Variants in MAP1LC3A observed in about 807,000 individuals in gnomAD.
MAP1LC3A encodes the protein microtubule-associated protein 1 light chain 3 alpha.
In MAP1LC3A, 10 loss-of-function variants were observed where a neutral mutation model predicts 15.2. That is an observed-to-expected ratio of 0.66 (90% CI 0.41 to 1.12). MAP1LC3A has a LOEUF of 1.12. MAP1LC3A is among the 50% of genes most tolerant of loss of function. MAP1LC3A has a pLI of 0.00. For synonymous variants in MAP1LC3A, 63 were observed against 64.3 expected (o/e 0.98, Z 0.10); for missense variants, 138 against 167.3 (o/e 0.82, Z 0.97).
upstream of MAP1LC3A, among the ~76,000 whole-genome samples, chr20:34,557,722 C>A (rs1220930384): frequency 6.6e-6 from 1 of 152,092 alleles, no homozygotes; most frequent in Non-Finnish European, 1.5e-5. Flanking sequence ...GTCAGGAGAT[C>A]GAGACCATCC....
In MAP1LC3A at chr20:34,560,175, CCTGCCTGT is replaced by C. The variant is rs6479; in HGVS notation, c.*283_*290del. On this transcript the variant is annotated 3_prime_UTR_variant, in exon 4 of 4. Transcript: ENST00000360668. ...GTGTGGTTCATCTTTTTTTTAGGCC[CCTGCCTGT>C]CTGCCCATCTGCCCCTCACCCACCC... 94,440 of 314,520 alleles carry C rather than the reference CCTGCCTGT, an allele frequency of 0.3. 17,478 individuals are homozygous for C. The highest frequency in any genetic ancestry group is 0.54 in the Admixed American group (11,040 of 20,504). 19.5% of individuals were successfully genotyped at this position (314,520 alleles called of 1,614,324 possible).
chr20:34,559,669 G>T, intron 3 of MAP1LC3A, 67 bp from the exon 4 acceptor site: 1 of 1,494,674 alleles, frequency 6.7e-7, no homozygotes, highest in South Asian at 1.2e-5. Flanking sequence ...AATCATTCTG[G>T]GGGTCAGGGC....
chr20:34,552,186 C>T (rs1334103528), intron 2 of MAP1LC3A, among the ~76,000 whole-genome samples: 1 of 152,082 alleles, frequency 6.6e-6, no homozygotes, highest in African/African-American at 2.4e-5. Context: ...TTAGTAGAGA[C>T]GGGGTTTCGC....
chr20:34,547,785 G>A (rs374645736), intron 1 of MAP1LC3A, among the ~76,000 whole-genome samples: 9 of 152,208 alleles, frequency 5.9e-5, no homozygotes, highest in African/African-American at 1.4e-4. Context: ...ACTCAGGCTC[G>A]GGCAGTTCTT....
chr20:34,550,200 G>A (rs969242591), intron 2 of MAP1LC3A, among the ~76,000 whole-genome samples: 1 of 152,214 alleles, frequency 6.6e-6, no homozygotes, highest in African/African-American at 2.4e-5. Flanking sequence ...CGAAGCCACA[G>A]AACGGCAGGA....
At chr20:34,557,697 C>A (rs1392123159), upstream of MAP1LC3A, among the ~76,000 whole-genome samples, 1 of 152,076 alleles carries the variant, frequency 6.6e-6, no homozygotes, top group Non-Finnish European at 1.5e-5. Flanking sequence ...GAGGCCGAGG[C>A]GAGTGGATCA....
Position 34,559,690 on chromosome 20 carries a change from C to T in MAP1LC3A, c.204-46C>T, listed in dbSNP as rs929630485. ...TCTGGGGGTCAGGGCTATGTCCGTC[C>T]CGCAGCCAAGCCCCTCACAGCTGCA... On this transcript the variant is annotated intron_variant, in intron 3 of 3. Coordinates refer to ENST00000360668, the MANE Select transcript of MAP1LC3A (RefSeq NM_032514.4). The T allele has an allele frequency of 1.9e-6, 3 of 1,561,624 alleles. No individual in the cohort carries two copies. In the East Asian group the frequency reaches 6.7e-5, roughly 35 times the overall value.
At chr20:34,558,717 C>G, upstream of MAP1LC3A, 2 of 1,289,330 alleles carry the variant, frequency 1.6e-6, no homozygotes, top group East Asian at 3.2e-5. The surrounding 1 kb of genome is among the most constrained non-coding windows in gnomAD (Gnocchi z 4.3). Context: ...CTGACGTCAC[C>G]GGGCGAGTTA....
chr20:34,557,834 C>T (rs1219482581), upstream of MAP1LC3A, among the ~76,000 whole-genome samples: 1 of 152,108 alleles, frequency 6.6e-6, no homozygotes, highest in Non-Finnish European at 1.5e-5. Flanking sequence ...CTGACTGAGG[C>T]AGGAGAATCG....
chr20:34,557,090 C>T (rs1982190186), upstream of MAP1LC3A, among the ~76,000 whole-genome samples: 1 of 152,164 alleles, frequency 6.6e-6, no homozygotes. Flanking sequence ...CACCTTTTCC[C>T]ATCGTTTTAC....
chr20:34,555,106 G>A (rs983537487), upstream of MAP1LC3A, among the ~76,000 whole-genome samples: 5 of 151,248 alleles, frequency 3.3e-5, no homozygotes, highest in Non-Finnish European at 7.4e-5. Flanking sequence ...CTGAGTAGTT[G>A]GGACTATAGG....
At chr20:34,558,183 T>C, upstream of MAP1LC3A, 1 of 977,672 alleles carries the variant, frequency 1.0e-6, no homozygotes, top group African/African-American at 1.7e-5. The surrounding 1 kb of genome is among the most constrained non-coding windows in gnomAD (Gnocchi z 4.3). Flanking sequence ...CTGTTGTCCT[T>C]TTCTGCCTTC....
Position 34,558,838 on chromosome 20 carries a change from C to T in MAP1LC3A, c.-31C>T. ...CAGACACATCCCCGCGCCCCAGAGC[C>T]CCGGCCTGCGCGCCCAGCCGGGCCC... On this transcript the variant is annotated 5_prime_UTR_variant, in exon 1 of 4. Transcript: ENST00000360668. The surrounding 1 kb of genome is among the most constrained non-coding windows in gnomAD (Gnocchi z 4.3). 1 of 1,432,504 alleles carries T rather than the reference C, an allele frequency of 7.0e-7. No individual in the cohort carries two copies. The allele number at this position is 1,432,504 out of a possible 1,614,324, so 88.7% of individuals were successfully genotyped here.
chr20:34,560,101 T>G lies in MAP1LC3A; in HGVS notation c.*203T>G. ...GTGTTAGGGTTGTCCCTCTGGGTGCTGGCTGGTGGGATGGGGGAGGGTGGG... is the reference window on the plus strand; with the variant it reads ...GTGTTAGGGTTGTCCCTCTGGGTGCGGGCTGGTGGGATGGGGGAGGGTGGG... On this transcript the variant is annotated 3_prime_UTR_variant, in exon 4 of 4. Coordinates refer to ENST00000360668, the MANE Select transcript of MAP1LC3A (RefSeq NM_032514.4). 2.9e-4 allele frequency: 89 copies of G among 308,296 alleles called. No homozygotes were observed. The Middle Eastern group carries it at 3.3e-3, about 11-fold the overall frequency. 19.1% of individuals were successfully genotyped at this position (308,296 alleles called of 1,614,324 possible).
intron 2 of MAP1LC3A, among the ~76,000 whole-genome samples, chr20:34,551,935 T>C (rs1003691971): frequency 6.6e-6 from 1 of 152,176 alleles, no homozygotes; most frequent in Admixed American, 6.5e-5. Context: ...TGAACAGATG[T>C]CTGCAACTTA....
At chr20:34,553,366 G>T (rs941721406) in intron 2 of MAP1LC3A, among the ~76,000 whole-genome samples, 6 of 152,046 alleles carry the variant, frequency 3.9e-5, no homozygotes, top group Admixed American at 2.6e-4. Flanking sequence ...CTGGATTCAG[G>T]GGTGATGGGG....
Position 34,559,364 on chromosome 20 carries a change from C to A in MAP1LC3A, c.114C>A (p.Tyr38Ter). 1 of 1,567,378 alleles carries A rather than the reference C, an allele frequency of 6.4e-7. No homozygotes were observed. The highest frequency in any genetic ancestry group is 8.7e-7 in the Non-Finnish European group (1 of 1,148,764). ...GCTCCCAGGTGATCATCGAGCGCTA[C>A]AAGGGTGAGAAGCAGCTGCCCGTCC... is the stretch of plus-strand genomic sequence containing the variant. ...PSKIPVIIERYKGEKQLPVLD... is the reference protein window; with the variant it reads ...PSKIPVIIER Residue 38 changes from tyrosine (Y) to a stop codon, truncating the protein, a stop_gained, in exon 3 of 4, where the codon TAC becomes TAA. Transcript: ENST00000360668. LOFTEE classifies it high-confidence loss of function.
chr20:34,549,019 T>C (rs1455477711), intron 1 of MAP1LC3A, among the ~76,000 whole-genome samples: 1 of 150,580 alleles, frequency 6.6e-6, no homozygotes, highest in Non-Finnish European at 1.5e-5. Context: ...CTTTGCTTTT[T>C]TGGTTGTGGT....
chr20:34,557,693 G>A (rs1982209684), upstream of MAP1LC3A, among the ~76,000 whole-genome samples: 2 of 152,134 alleles, frequency 1.3e-5, no homozygotes, highest in Non-Finnish European at 2.9e-5. Flanking sequence ...TTGGGAGGCC[G>A]AGGCGAGTGG....
Sources: allele counts gnomAD v4.1 joint callset (sites outside exome capture counted in the v4.1 genomes callset), GRCh38; gene constraint gnomAD v4.1.1; non-coding constraint Gnocchi (gnomAD v3.1); transcripts MANE v1.5; gene names NCBI Gene and HGNC (gene_info 2026-07-23, HGNC 2026-07-21).